GDA: variants seen among roughly 807,000 people sequenced by gnomAD.
The protein encoded by GDA is guanine deaminase.
GDA carries 18 observed loss-of-function variants against 59.6 expected under a neutral mutation model. The observed-to-expected ratio is 0.30, with a 90% confidence interval of 0.21 to 0.45. GDA has a LOEUF of 0.45. Among genes scored for constraint, GDA ranks in the 20% least tolerant of loss-of-function variants. The pLI is 1.00. For synonymous variants in GDA, 201 were observed against 201.1 expected (o/e 1.00, Z 0.00); for missense variants, 427 against 552.3 (o/e 0.77, Z 2.27).
chr9:72,241,549 G>A (rs1170390565), intron 11 of GDA, among the ~76,000 whole-genome samples: 1 of 152,094 alleles, frequency 6.6e-6, no homozygotes, highest in African/African-American at 2.4e-5. Context: ...GTTTTAATGG[G>A]TATTACATTG....
At chr9:72,228,263 A>G in intron 9 of GDA, 1 of 480,080 alleles carries the variant, frequency 2.1e-6, no homozygotes, top group Non-Finnish European at 3.7e-6. Context: ...ATCTTCTGAA[A>G]TCTCTGAGTT....
intron 11 of GDA, among the ~76,000 whole-genome samples, chr9:72,241,831 C>T (rs1173272795): frequency 2.0e-5 from 3 of 152,080 alleles, no homozygotes; most frequent in African/African-American, 4.8e-5. Context: ...GAGGTAGAGG[C>T]TGCAGTGAGC....
intron 1 of GDA, among the ~76,000 whole-genome samples, chr9:72,166,935 A>T (rs932066363): frequency 4.6e-5 from 7 of 152,180 alleles, no homozygotes; most frequent in Non-Finnish European, 1.0e-4. Flanking sequence ...TCGATTTTTC[A>T]TAGGCAGTAA....
intron 1 of GDA, among the ~76,000 whole-genome samples, chr9:72,129,504 C>G (rs1305999091): frequency 1.3e-5 from 2 of 152,206 alleles, no homozygotes; most frequent in South Asian, 2.1e-4. Context: ...TTGAATCACA[C>G]ATAGGATAAG....
At chr9:72,148,345 G>A (rs1055969885), upstream of GDA, among the ~76,000 whole-genome samples, 4 of 102,720 alleles carry the variant, frequency 3.9e-5, no homozygotes, top group South Asian at 1.4e-3. Flanking sequence ...GTGTGTGTGT[G>A]TGTGTGTATT....
At chr9:72,165,303 C>T (rs1829163068) in intron 1 of GDA, among the ~76,000 whole-genome samples, 1 of 152,176 alleles carries the variant, frequency 6.6e-6, no homozygotes. Flanking sequence ...TTGCAGCCTT[C>T]TTAATAATCA....
chr9:72,200,099 G>A (rs1833769551), intron 2 of GDA, among the ~76,000 whole-genome samples: 1 of 147,048 alleles, frequency 6.8e-6, no homozygotes, highest in Non-Finnish European at 1.5e-5. Flanking sequence ...CCGTGTTCAC[G>A]CCATTCTCCT....
At chr9:72,139,507 T>A (rs1416392641) in intron 1 of GDA, among the ~76,000 whole-genome samples, 1 of 152,062 alleles carries the variant, frequency 6.6e-6, no homozygotes, top group Non-Finnish European at 1.5e-5. Flanking sequence ...GGAAGAGAAG[T>A]CTCTAAATAA....
intron 1 of GDA, among the ~76,000 whole-genome samples, chr9:72,183,942 A>G (rs1320582210): frequency 6.6e-6 from 1 of 152,096 alleles, no homozygotes; most frequent in Non-Finnish European, 1.5e-5. Context: ...CATGAGTATT[A>G]TTTTCTTTAT....
At chr9:72,140,491 T>C (rs1465248752) in intron 1 of GDA, among the ~76,000 whole-genome samples, 1 of 152,066 alleles carries the variant, frequency 6.6e-6, no homozygotes, top group Non-Finnish European at 1.5e-5. Flanking sequence ...GATTTTTCAT[T>C]GTTGTTGTTG....
chr9:72,227,280 C>A (rs1186245239), intron 8 of GDA, among the ~76,000 whole-genome samples: 1 of 151,998 alleles, frequency 6.6e-6, no homozygotes, highest in Non-Finnish European at 1.5e-5. Flanking sequence ...AGAGAGGTCT[C>A]ATGTGTGTGC....
chr9:72,258,501 G>A (rs1243176561), downstream of GDA, among the ~76,000 whole-genome samples: 2 of 152,124 alleles, frequency 1.3e-5, no homozygotes, highest in East Asian at 3.9e-4. Context: ...AAAGAGTCTG[G>A]GCCACTTAAG....
chr9:72,170,234 C>T (rs752051884), intron 1 of GDA, among the ~76,000 whole-genome samples: 3 of 152,132 alleles, frequency 2.0e-5, no homozygotes, highest in South Asian at 2.1e-4. Flanking sequence ...GAACCAAGTG[C>T]GGTAGCTTCT....
intron 10 of GDA, among the ~76,000 whole-genome samples, chr9:72,232,687 A>T (rs1413178896): frequency 6.6e-6 from 1 of 152,194 alleles, no homozygotes; most frequent in African/African-American, 2.4e-5. Flanking sequence ...TCATCACATG[A>T]CTTCCTTTTC....
intron 1 of GDA, among the ~76,000 whole-genome samples, chr9:72,160,268 T>C (rs1320237743): frequency 6.6e-6 from 1 of 152,078 alleles, no homozygotes; most frequent in East Asian, 1.9e-4. Context: ...GAGATAGCGC[T>C]ACTGCACTCC....
chr9:72,141,423 C>T (rs951823113), intron 1 of GDA, among the ~76,000 whole-genome samples: 4 of 151,998 alleles, frequency 2.6e-5, no homozygotes, highest in African/African-American at 7.2e-5. Flanking sequence ...TTTAATTTTA[C>T]CTATTTAAAT....
chr9:72,124,727 T>C (rs1172014296), intron 1 of GDA, among the ~76,000 whole-genome samples: 1 of 152,258 alleles, frequency 6.6e-6, no homozygotes, highest in African/African-American at 2.4e-5. Context: ...TAGTATGTTG[T>C]TATATGATGG....
At chr9:72,221,802 A>G (rs1836914826) in intron 6 of GDA, among the ~76,000 whole-genome samples, 1 of 152,232 alleles carries the variant, frequency 6.6e-6, no homozygotes. Context: ...AAGTGAGAAC[A>G]TGCAATATTT....
Position 72,248,519 on chromosome 9 carries a change from C to T in GDA, c.*177C>T, listed in dbSNP as rs955608871. ...GTTCGAAGGAAGTTGCACTAATTCT[C>T]AACTCTGGTTGAGAGGGTTCATAAA... is the stretch of plus-strand genomic sequence containing the variant. On this transcript the variant is annotated 3_prime_UTR_variant, in exon 14 of 14. Transcript: ENST00000358399. 29 of 1,408,326 alleles carry T rather than the reference C, an allele frequency of 2.1e-5. No homozygotes were observed. Among genetic ancestry groups the T allele is most frequent in the Non-Finnish European group, 2.5e-5 (27 of 1,082,370 alleles). 87.2% of individuals were successfully genotyped at this position (1,408,326 alleles called of 1,614,324 possible).
Sources: allele counts gnomAD v4.1 joint callset (sites outside exome capture counted in the v4.1 genomes callset), GRCh38; gene constraint gnomAD v4.1.1; transcripts MANE v1.5; gene names NCBI Gene and HGNC (gene_info 2026-07-23, HGNC 2026-07-21).